The following DLG2 variants were observed in gnomAD, a reference collection of about 807,000 sequenced individuals.
DLG2 encodes the protein discs large MAGUK scaffold protein 2.
A neutral mutation model predicts 132.5 loss-of-function variants in DLG2; 45 were observed. That is an observed-to-expected ratio of 0.34 (90% CI 0.27 to 0.44). The LOEUF is 0.44. DLG2 is among the 20% of genes least tolerant of loss of function. The probability of loss-of-function intolerance (pLI) is 1.00; values close to 1 mark genes in which losing one functional copy is unlikely to be tolerated. For synonymous variants in DLG2, 424 were observed against 419.6 expected, an observed-to-expected ratio of 1.01 and a Z score of -0.13; for missense variants, 1,045 against 1,196.9, an observed-to-expected ratio of 0.87 and a Z score of 1.87.
intron 18 of DLG2, among the ~76,000 whole-genome samples, chr11:83,773,692 C>T (rs1277274173): frequency 6.6e-6 from 1 of 152,194 alleles, no homozygotes; most frequent in African/African-American, 2.4e-5. Flanking sequence ...GATGAATTTA[C>T]TTTGTTACCC....
chr11:85,086,069 A>T (rs571110997), intron 6 of DLG2, among the ~76,000 whole-genome samples: 1 of 152,300 alleles, frequency 6.6e-6, no homozygotes, highest in Non-Finnish European at 1.5e-5. Flanking sequence ...CAAATAGAAG[A>T]TATACACTTA....
At chr11:83,928,484 G>A (rs868566803) in intron 15 of DLG2, among the ~76,000 whole-genome samples, 37 of 151,732 alleles carry the variant, frequency 2.4e-4, no homozygotes, top group Middle Eastern at 3.4e-3. Flanking sequence ...TCATAAAAAA[G>A]GAACACAGGA....
chr11:84,131,002 T>C (rs1566635578), intron 9 of DLG2, among the ~76,000 whole-genome samples: 2 of 151,944 alleles, frequency 1.3e-5, no homozygotes, highest in African/African-American at 2.4e-5. Context: ...AACCAACACA[T>C]ACATGTACTT....
At chr11:85,554,124 G>C (rs953881259) in intron 3 of DLG2, among the ~76,000 whole-genome samples, 1 of 150,566 alleles carries the variant, frequency 6.6e-6, no homozygotes, top group African/African-American at 2.4e-5. Context: ...AAGGACAATA[G>C]AGTAAAATAA....
At chr11:83,889,954 CTGT>C (rs2069217355) in intron 15 of DLG2, among the ~76,000 whole-genome samples, 1 of 100,980 alleles carries the variant, frequency 9.9e-6, no homozygotes, top group Non-Finnish European at 1.8e-5. Context: ...ACTCTGGGGA[CTGT>C]TGTGGGGTGG....
intron 6 of DLG2, among the ~76,000 whole-genome samples, chr11:84,763,968 A>G (rs11606594): frequency 0.086 from 13,156 of 152,196 alleles, 769 homozygotes; most frequent in Non-Finnish European, 0.13. Context: ...ATATTCTACC[A>G]TAGATATTAT....
intron 3 of DLG2, among the ~76,000 whole-genome samples, chr11:85,315,349 T>A (rs575041840): frequency 4.6e-5 from 7 of 152,052 alleles, no homozygotes; most frequent in Admixed American, 6.6e-5. Flanking sequence ...CCTAGCAGAA[T>A]CTTCAATAAG....
At chr11:84,193,807 T>C (rs951586028) in intron 8 of DLG2, among the ~76,000 whole-genome samples, 2 of 152,204 alleles carry the variant, frequency 1.3e-5, no homozygotes, top group Admixed American at 6.5e-5. Flanking sequence ...ACTGTGTCCC[T>C]ACTGAAGCTT....
At chr11:84,800,691 T>G (rs2075258425) in intron 6 of DLG2, 1 of 152,176 alleles carries the variant, frequency 6.6e-6, no homozygotes. Flanking sequence ...ATAAAAAGAC[T>G]TTGGACACCT....
intron 10 of DLG2, among the ~76,000 whole-genome samples, chr11:84,098,189 C>T (rs1352222138): frequency 6.6e-6 from 1 of 152,198 alleles, no homozygotes; most frequent in African/African-American, 2.4e-5. Context: ...CAGGTACCCA[C>T]CACCATGCCC....
chr11:84,808,137 G>T (rs573080990), intron 6 of DLG2, among the ~76,000 whole-genome samples: 1 of 152,044 alleles, frequency 6.6e-6, no homozygotes, highest in African/African-American at 2.4e-5. Context: ...AAATCATAGA[G>T]AGTGTGTTAT....
intron 3 of DLG2, among the ~76,000 whole-genome samples, chr11:85,313,566 G>C (rs1473005872): frequency 6.6e-6 from 1 of 151,948 alleles, no homozygotes; most frequent in East Asian, 1.9e-4. Flanking sequence ...TAGTCAAAGT[G>C]TTTACAATTG....
chr11:84,634,785 A>G (rs2154544265), intron 6 of DLG2, among the ~76,000 whole-genome samples: 1 of 152,336 alleles, frequency 6.6e-6, no homozygotes, highest in African/African-American at 2.4e-5. Flanking sequence ...AATGAGCCAC[A>G]GTAACAAACT....
intron 3 of DLG2, among the ~76,000 whole-genome samples, chr11:85,527,842 A>G (rs77110591): frequency 0.12 from 18,172 of 152,210 alleles, 1,322 homozygotes; most frequent in East Asian, 0.31. Context: ...ATTTCTCCAC[A>G]TCCTCACCAG....
intron 8 of DLG2, among the ~76,000 whole-genome samples, chr11:84,208,328 G>T (rs1238734780): frequency 6.6e-6 from 1 of 150,766 alleles, no homozygotes; most frequent in African/African-American, 2.5e-5. Flanking sequence ...CACTCATATT[G>T]GCTCAGAATA....
chr11:85,170,918 C>T (rs72945917), intron 4 of DLG2, among the ~76,000 whole-genome samples: 13,513 of 149,544 alleles, frequency 0.09, 810 homozygotes, highest in African/African-American at 0.16. Flanking sequence ...TAGGACTCCA[C>T]AAATAAGGCA....
intron 18 of DLG2, among the ~76,000 whole-genome samples, chr11:83,752,254 C>T (rs771677543): frequency 9.4e-5 from 14 of 148,422 alleles, no homozygotes; most frequent in South Asian, 2.1e-4. Flanking sequence ...GTTGACAGAG[C>T]GAGACTCTGT....
At chr11:83,994,747 T>C (rs1281175096) in intron 11 of DLG2, among the ~76,000 whole-genome samples, 2 of 152,128 alleles carry the variant, frequency 1.3e-5, no homozygotes, top group African/African-American at 4.8e-5. Flanking sequence ...GCATCGTAAC[T>C]AACAGAAATT....
intron 3 of DLG2, among the ~76,000 whole-genome samples, chr11:85,589,219 A>G (rs2079155287): frequency 6.6e-6 from 1 of 152,210 alleles, no homozygotes; most frequent in Non-Finnish European, 1.5e-5. Context: ...TGCAGGGCAC[A>G]CGGAATTAGC....
Sources: gnomAD v4.1 joint callset for allele counts (sites outside exome capture counted in the v4.1 genomes callset) on GRCh38, gnomAD v4.1.1 for gene constraint, MANE v1.5 for transcripts, NCBI Gene and HGNC (gene_info 2026-07-23, HGNC 2026-07-21) for gene names.